Variants in OBSL1 observed in about 807,000 individuals in gnomAD.
OBSL1 encodes obscurin-like protein 1.
A neutral mutation model predicts 172.0 loss-of-function variants in OBSL1; 160 were observed. The observed-to-expected ratio is 0.93, with a 90% CI of 0.82 to 1.06. The LOEUF is 1.06. Ranked by LOEUF, OBSL1 falls within the 50% of genes least tolerant of loss-of-function variation. The pLI is 0.00. For missense variants in OBSL1, 2,681 were observed against 2,715.4 expected (o/e 0.99, Z 0.28); for synonymous variants, 1,200 against 1,196.3 (o/e 1.00, Z -0.06).
chr2:219,570,581 C>G lies in OBSL1; in HGVS notation c.652G>C (p.Ala218Pro). Residue 218 changes from alanine to proline, a missense_variant, in exon 1 of 21, where the codon GCG becomes CCG. By Grantham distance (27) the Ala-to-Pro change is conservative. This residue lies in a region of OBSL1 where 706 missense variants were observed against 695.8 expected (regional missense o/e 1.01). Transcript: ENST00000404537. The part of the protein sequence containing the change: ...VCHARNAHGH[A>P]QAGALLQVHQ... ...ACCTGGAGCAGCGCCCCCGCCTGCG[C>G]GTGGCCGTGCGCGTTGCGGGCGTGG... 1 of 1,526,860 alleles carries G rather than the reference C, an allele frequency of 6.5e-7. No homozygotes were observed. 94.6% of individuals were successfully genotyped at this position (1,526,860 alleles called of 1,614,324 possible).
rs1696922295 is a variant in OBSL1 at position 219,566,737 on chromosome 2, T to C, written c.2134+93A>G. ...ATGCTCCTTGCTCTCCTGGCCCAGA[T>C]ACAAGAAATAAAAACAGCATCTGCC... On this transcript the variant is annotated intron_variant, in intron 5 of 20. Coordinates refer to ENST00000404537, the MANE Select transcript of OBSL1 (RefSeq NM_015311.3). 6 of 1,382,506 alleles carry C rather than the reference T, an allele frequency of 4.3e-6. No homozygotes were observed. The South Asian group carries it at 7.4e-5, about 17-fold the overall frequency. 85.6% of individuals were successfully genotyped at this position (1,382,506 alleles called of 1,614,324 possible).
At position 219,567,008 on chromosome 2, in the gene OBSL1, T is replaced by C; in HGVS notation, c.1956A>G (p.Glu652=). ...IIQGTWFLNG[E]ELKSNEPEGQ... ...CCTCCGGCTCGTTACTCTTGAGCTC[T>C]TCCCCATTAAGGAACCAGGTACCCT... The change falls in exon 5 of 21, where the codon GAA becomes GAG. Residue 652 remains glutamate, a synonymous_variant. Coordinates refer to ENST00000404537, the MANE Select transcript of OBSL1 (RefSeq NM_015311.3). 6.2e-7 allele frequency: 1 copy of C among 1,611,162 alleles called. No homozygotes were observed. The highest frequency in any genetic ancestry group is 1.1e-5 in the South Asian group (1 of 91,042).
chr2:219,552,758 C>A, intron 17 of OBSL1, 61 bp from the exon 18 acceptor site: 2 of 1,512,328 alleles, frequency 1.3e-6, no homozygotes, highest in Non-Finnish European at 1.8e-6. Flanking sequence ...GTCACGCCCC[C>A]TCCACGCCCC....
Position 219,570,955 on chromosome 2 carries a change from G to T in OBSL1, c.278C>A (p.Ala93Asp). The change falls in exon 1 of 21, where the codon GCC (alanine) becomes GAC (aspartate). Residue 93 changes from alanine (A) to aspartate (D), a missense_variant. This residue lies in a region of OBSL1 where 67 missense variants were observed against 109.3 expected (regional missense o/e 0.61). Coordinates refer to ENST00000404537, the MANE Select transcript of OBSL1 (RefSeq NM_015311.3). The stretch of plus-strand genomic sequence containing the variant: ...CACGGTGACGGCGGCCGCCGCGTAG[G>T]CCTCGCCGGCCGCGTTGCGGGCGCG... Reference protein sequence around the residue: ...VCRARNAAGEAYAAAAVTVLE... With the variant: ...VCRARNAAGEDYAAAAVTVLE... 2 of 1,282,696 alleles carry T rather than the reference G, an allele frequency of 1.6e-6. No individual in the cohort carries two copies. The highest frequency in any genetic ancestry group is 2.0e-6 in the Non-Finnish European group (2 of 1,022,552). 79.5% of individuals were successfully genotyped at this position (1,282,696 alleles called of 1,614,324 possible).
At chr2:219,549,474 G>T, downstream of OBSL1, 1 of 1,327,856 alleles carries the variant, frequency 7.5e-7, no homozygotes. Flanking sequence ...TCCATGAACT[G>T]TTTGTCCATG....
chr2:219,548,338 T>G (rs1316745817), downstream of OBSL1, among the ~76,000 whole-genome samples: 1 of 152,224 alleles, frequency 6.6e-6, no homozygotes, highest in African/African-American at 2.4e-5. Context: ...GTTCCTGTCC[T>G]TATGGATTCA....
rs771230527 is a variant in OBSL1 at position 219,556,652 on chromosome 2, G to A, written c.4138C>T (p.Arg1380Trp). 23 of 1,612,812 alleles carry A rather than the reference G, an allele frequency of 1.4e-5. No homozygotes were observed. The East Asian group carries it at 1.6e-4, about 11-fold the overall frequency. Residue 1380 changes from arginine to tryptophan, a missense_variant, in exon 13 of 21, where the codon CGG (arginine) becomes TGG (tryptophan). Physicochemically the swap from Arg to Trp is moderately radical, Grantham distance 101. Coordinates refer to ENST00000404537, the MANE Select transcript of OBSL1 (RefSeq NM_015311.3). ...GCATCTGGTGGGGAGACTTCACACCGGAACGTGGCATCATCGCCCTCGTGG... is the reference window on the plus strand; with the variant it reads ...GCATCTGGTGGGGAGACTTCACACCAGAACGTGGCATCATCGCCCTCGTGG... Reference protein sequence around the residue: ...TVHEGDDATFRCEVSPPDADV... With the variant: ...TVHEGDDATFWCEVSPPDADV...
rs1049151644 is a variant in OBSL1, at chr2:219,568,369, C to T, written c.1013-45G>A. 1.9e-6 allele frequency: 3 copies of T among 1,545,468 alleles called. No homozygotes were observed. The highest frequency in any genetic ancestry group is 1.4e-5 in the African/African-American group (1 of 73,534). On this transcript the variant is annotated intron_variant, in intron 1 of 20. Coordinates refer to ENST00000404537, the MANE Select transcript of OBSL1 (RefSeq NM_015311.3). This position sits in a 1 kb window ranked among gnomAD's most constrained non-coding sequence, Gnocchi z 4.1. ...AGACAAGAGAGGGCTCTGGAGAAGG[C>T]CCAGACTAGGAGTAGGATACCTAGA... is the stretch of plus-strand genomic sequence containing the variant.
At chr2:219,554,180 G>T (rs1195991096) in intron 15 of OBSL1, 11 of 513,786 alleles carry the variant, frequency 2.1e-5, no homozygotes, top group Non-Finnish European at 3.9e-5. Flanking sequence ...GGTCAGTGGG[G>T]TGGTGTGCAG....
rs761032158 is a variant in OBSL1, at chr2:219,558,017, CG to C, written c.3595del (p.Arg1199GlyfsTer21). The C allele has an allele frequency of 6.2e-7, 1 of 1,612,968 alleles. No homozygotes were observed. The highest frequency in any genetic ancestry group is 8.5e-7 in the Non-Finnish European group (1 of 1,179,698). On this transcript the variant is annotated frameshift_variant, in exon 11 of 21. Transcript: ENST00000404537. LOFTEE classifies it high-confidence loss of function. The part of the protein sequence containing the change: ...EPVVLSCELS[R>X]AGAPVVWSHN... ...GCTCCAGACCACGGGGGCGCCAGCCCGGGACAGTTCACAGCTCAGCACCACT... is the reference window on the plus strand; with the variant it reads ...GCTCCAGACCACGGGGGCGCCAGCCCGGACAGTTCACAGCTCAGCACCACT...
rs201893489 is a variant in OBSL1, at chr2:219,556,041, G to T, written c.4588C>A (p.Leu1530Met). ...YGCESHHDRTLARLSVRPRQL... is the reference protein window; with the variant it reads ...YGCESHHDRTMARLSVRPRQL... The stretch of plus-strand genomic sequence containing the variant: ...TCACGCCTCACGCTGAGCCTGGCCA[G>T]GGTGCGATCGTGGTGGCTCTCGCAG... The change falls in exon 14 of 21, where the codon CTG becomes ATG. Residue 1530 changes from leucine to methionine, a missense_variant. Physicochemically the swap from Leu to Met is conservative, Grantham distance 15. Coordinates refer to ENST00000404537, the MANE Select transcript of OBSL1 (RefSeq NM_015311.3). 2 of 1,613,638 alleles carry T rather than the reference G, an allele frequency of 1.2e-6. No homozygotes were observed. The highest frequency in any genetic ancestry group is 1.7e-6 in the Non-Finnish European group (2 of 1,179,894).
intron 12 of OBSL1, chr2:219,557,026 C>A: frequency 2.1e-6 from 1 of 483,402 alleles, no homozygotes; most frequent in Non-Finnish European, 3.6e-6. Flanking sequence ...AAAGCACTAT[C>A]CCCTCTTTTC....
In OBSL1 at chr2:219,567,335, A is replaced by G; in HGVS notation, c.1775T>C (p.Ile592Thr). Residue 592 changes from isoleucine to threonine, a missense_variant, in exon 4 of 21, where the codon ATC becomes ACC. Ile to Thr is a moderately conservative substitution (Grantham distance 89). Around this residue, in one of 5 missense-constraint regions of OBSL1, gnomAD observed 706 missense variants for 695.8 expected, o/e 1.01. Transcript: ENST00000404537. Reference protein sequence around the residue: ...VPSEGDYRFRICTVSGHGRSP... With the variant: ...VPSEGDYRFRTCTVSGHGRSP... ...ACGGCCATGTCCGCTGACTGTGCAG[A>G]TGCGGAAGCGGTAGTCACCCTCGGA... 1 of 1,610,692 alleles carries G rather than the reference A, an allele frequency of 6.2e-7. No individual in the cohort carries two copies. Among genetic ancestry groups the G allele is most frequent in the South Asian group, 1.1e-5 (1 of 90,752 alleles).
intron 8 of OBSL1, 116 bp downstream of exon 8, chr2:219,562,286 T>C (rs1559145731): frequency 7.7e-7 from 1 of 1,305,342 alleles, no homozygotes; most frequent in South Asian, 1.4e-5. Context: ...CCCTGGCACA[T>C]GCACCTGCAG....
chr2:219,553,406 G>T (rs1695774877), intron 16 of OBSL1, among the ~76,000 whole-genome samples, 168 bp downstream of exon 16: 1 of 152,184 alleles, frequency 6.6e-6, no homozygotes, highest in Admixed American at 6.5e-5. Flanking sequence ...GTATTACAGT[G>T]ACAAGACCTA....
chr2:219,562,552 C>T lies in OBSL1; in HGVS notation c.2803G>A (p.Gly935Arg), dbSNP rs1366594858. 2 of 1,613,892 alleles carry T rather than the reference C, an allele frequency of 1.2e-6. No individual in the cohort carries two copies. The highest frequency in any genetic ancestry group is 2.7e-5 in the African/African-American group (2 of 75,066). Residue 935 changes from glycine to arginine, a missense_variant, in exon 8 of 21, where the codon GGA becomes AGA. Transcript: ENST00000404537. ...GCGGGGCTCTCCACCACCTCCTCTC[C>T]ATCCTTGGTCCAGCGCACCTCTGCC... ...PWAEVRWTKDGEEVVESPALL... is the reference protein window; with the variant it reads ...PWAEVRWTKDREEVVESPALL...
chr2:219,567,383 T>A lies in OBSL1; in HGVS notation c.1727A>T (p.Glu576Val). The change falls in exon 4 of 21, where the codon GAG (glutamate) becomes GTG (valine). Residue 576 changes from glutamate (E) to valine (V), a missense_variant. Coordinates refer to ENST00000404537, the MANE Select transcript of OBSL1 (RefSeq NM_015311.3). The stretch of plus-strand genomic sequence containing the variant: ...GGAGGGCACACAGTCGCCCGGCACC[T>A]CCACGGCTCCGGCTTTCTCGATGCT... ...CFSIEKAGAVEVPGDCVPSEG... is the reference protein window; with the variant it reads ...CFSIEKAGAVVVPGDCVPSEG... 6.2e-7 allele frequency: 1 copy of A among 1,612,974 alleles called. No individual in the cohort carries two copies. Among genetic ancestry groups the A allele is most frequent in the Non-Finnish European group, 8.5e-7 (1 of 1,179,466 alleles).
intron 8 of OBSL1, chr2:219,561,593 C>A: frequency 2.2e-6 from 1 of 448,324 alleles, no homozygotes; most frequent in South Asian, 2.4e-5. Context: ...GGGAAGCGGC[C>A]GTGTCTGCGT....
chr2:219,549,385 G>A (rs772145426), downstream of OBSL1: 1 of 1,593,500 alleles, frequency 6.3e-7, no homozygotes, highest in East Asian at 2.2e-5. Context: ...CAGCCAGAAT[G>A]AGAAGGAAGT....
Sources: allele counts gnomAD v4.1 joint callset (sites outside exome capture counted in the v4.1 genomes callset), GRCh38; gene constraint gnomAD v4.1.1; regional missense constraint gnomAD v4.1.1; non-coding constraint Gnocchi (gnomAD v3.1); transcripts MANE v1.5; gene names NCBI Gene and HGNC (gene_info 2026-07-23, HGNC 2026-07-21).